GOLM2: variants seen among roughly 807,000 people sequenced by gnomAD.
The protein encoded by GOLM2 is golgi membrane protein 2, also known as protein GOLM2.
GOLM2 carries 26 observed loss-of-function variants against 55.9 expected under a neutral mutation model. The observed-to-expected ratio is 0.47, with a 90% CI of 0.34 to 0.65. The LOEUF (loss-of-function observed/expected upper bound fraction) is 0.65. GOLM2 is among the 30% of genes least tolerant of loss of function. GOLM2 has a pLI of 0.01. For missense variants in GOLM2, 486 were observed against 531.8 expected, an observed-to-expected ratio of 0.91 and a Z score of 0.85; for synonymous variants, 165 against 194.6, an observed-to-expected ratio of 0.85 and a Z score of 1.27.
chr15:44,292,229 G>A (rs190572707), intron 1 of GOLM2, among the ~76,000 whole-genome samples: 1 of 142,864 alleles, frequency 7.0e-6, no homozygotes, highest in African/African-American at 2.6e-5. Flanking sequence ...ACAGAGTCTC[G>A]CTCGGTTAAG....
At chr15:44,315,469 G>A (rs900926651) in intron 1 of GOLM2, among the ~76,000 whole-genome samples, 17 of 152,288 alleles carry the variant, frequency 1.1e-4, no homozygotes, top group South Asian at 2.1e-4. Context: ...GAGAAGCCAC[G>A]TAGGATGGGG....
chr15:44,387,917 C>A (rs531741070), intron 8 of GOLM2, among the ~76,000 whole-genome samples: 4 of 151,806 alleles, frequency 2.6e-5, no homozygotes, highest in Non-Finnish European at 2.9e-5. Flanking sequence ...TATAGAAGAT[C>A]ATTTCTTTTA....
intron 8 of GOLM2, among the ~76,000 whole-genome samples, chr15:44,395,909 C>G (rs1384875514): frequency 6.6e-6 from 1 of 152,046 alleles, no homozygotes; most frequent in East Asian, 1.9e-4. Context: ...TTCATATGAA[C>G]TTGAAAAGCA....
chr15:44,349,735 T>C (rs1827537775), intron 6 of GOLM2, among the ~76,000 whole-genome samples: 1 of 152,206 alleles, frequency 6.6e-6, no homozygotes, highest in Admixed American at 6.5e-5. Flanking sequence ...AGAGGCCATA[T>C]GTTAGACCAC....
intron 1 of GOLM2, among the ~76,000 whole-genome samples, chr15:44,312,388 G>A (rs749445091): frequency 2.6e-5 from 4 of 151,992 alleles, no homozygotes; most frequent in Non-Finnish European, 4.4e-5. Context: ...CTCAAGCTTA[G>A]TAGGTGATCT....
At chr15:44,337,634 A>G (rs536502372) in intron 4 of GOLM2, 129 bp from the exon 5 acceptor site, 34 of 622,286 alleles carry the variant, frequency 5.5e-5, no homozygotes, top group African/African-American at 2.3e-4. Flanking sequence ...TGCATCTCCA[A>G]TTGTTCATTA....
intron 1 of GOLM2, among the ~76,000 whole-genome samples, chr15:44,293,770 A>G (rs2078737087): frequency 6.6e-6 from 1 of 152,178 alleles, no homozygotes. Flanking sequence ...TCTCCACTAT[A>G]ATGTACTCTT....
At position 44,413,395 on chromosome 15, in the gene GOLM2, G is replaced by A. The variant is rs374320339; in HGVS notation, c.1300G>A (p.Asp434Asn). ...PADYGKQHFN[D>N]VL ...AGACTATGGAAAGCAACATTTCAAT[G>A]ATGTCCTTTAAGTCCTAAAGGAATG... is the stretch of plus-strand genomic sequence containing the variant. The change falls in exon 10 of 10, where the codon GAT becomes AAT. Residue 434 changes from aspartate to asparagine, a missense_variant. By Grantham distance (23) the Asp-to-Asn change is conservative (BLOSUM62 1). Coordinates refer to ENST00000299957, the MANE Select transcript of GOLM2 (RefSeq NM_138423.4). The A allele has an allele frequency of 5.0e-6, 8 of 1,609,478 alleles. No individual in the cohort carries two copies. The highest frequency in any genetic ancestry group is 3.3e-5 in the South Asian group (3 of 90,780).
chr15:44,306,991 A>G (rs992008498), intron 1 of GOLM2, among the ~76,000 whole-genome samples: 1 of 152,188 alleles, frequency 6.6e-6, no homozygotes, highest in African/African-American at 2.4e-5. Flanking sequence ...CAGATGTAAT[A>G]AAGAAAATTT....
In GOLM2 at chr15:44,302,918, C is replaced by T. The variant is rs182453237; in HGVS notation, c.327+13562C>T. Among the ~76,000 whole-genome samples the T allele has an allele frequency of 5.0e-3, 759 of 152,168 alleles. 5 individuals are homozygous for T. The highest frequency in any genetic ancestry group is 0.017 in the African/African-American group (720 of 41,512). On this transcript the variant is annotated intron_variant, in intron 1 of 9. Coordinates refer to ENST00000299957, the MANE Select transcript of GOLM2 (RefSeq NM_138423.4). ...CAGAGGTCAACACCATCCTGGCCAA[C>T]ATGGTGAAACCCCGTCTCTACTAAA...
At chr15:44,380,611 C>T (rs996515938) in intron 7 of GOLM2, among the ~76,000 whole-genome samples, 195 bp from the exon 8 acceptor site, 5 of 147,272 alleles carry the variant, frequency 3.4e-5, no homozygotes, top group African/African-American at 1.0e-4. Flanking sequence ...AAACTTCCCA[C>T]AGCTAAAATC....
intron 1 of GOLM2, among the ~76,000 whole-genome samples, chr15:44,302,140 C>T (rs1336459256): frequency 6.7e-6 from 1 of 149,922 alleles, no homozygotes; most frequent in Non-Finnish European, 1.5e-5. Flanking sequence ...CTCTTTTTTA[C>T]ATTTAATTTT....
At chr15:44,313,681 C>G (rs2078889199) in intron 1 of GOLM2, among the ~76,000 whole-genome samples, 1 of 152,152 alleles carries the variant, frequency 6.6e-6, no homozygotes, top group Admixed American at 6.6e-5. Context: ...TTCTTTGTGA[C>G]TGGCTGACTG....
chr15:44,392,938 AT>A (rs1251585437), intron 8 of GOLM2, among the ~76,000 whole-genome samples: 1 of 152,200 alleles, frequency 6.6e-6, no homozygotes, highest in Non-Finnish European at 1.5e-5. Flanking sequence ...AAATTTAATG[AT>A]TAATTCTCAA....
intron 8 of GOLM2, among the ~76,000 whole-genome samples, chr15:44,396,866 T>C (rs1237018560): frequency 6.6e-6 from 1 of 152,258 alleles, no homozygotes; most frequent in Non-Finnish European, 1.5e-5. Context: ...TCAAACTTGA[T>C]ACAACTCAAA....
chr15:44,333,728 T>A (rs901490858), intron 4 of GOLM2, among the ~76,000 whole-genome samples: 2 of 152,080 alleles, frequency 1.3e-5, no homozygotes, highest in Admixed American at 1.3e-4. Flanking sequence ...ATTCTCTTTT[T>A]TTTTTTGAGA....
At chr15:44,347,958 A>T (rs531457890) in intron 6 of GOLM2, among the ~76,000 whole-genome samples, 1 of 152,200 alleles carries the variant, frequency 6.6e-6, no homozygotes, top group Non-Finnish European at 1.5e-5. Context: ...AGTCAGCGCC[A>T]GAAGGGAACC....
chr15:44,318,662 T>C (rs2078928643), intron 1 of GOLM2, among the ~76,000 whole-genome samples: 1 of 151,408 alleles, frequency 6.6e-6, no homozygotes, highest in Non-Finnish European at 1.5e-5. Context: ...CGAGCAGAGA[T>C]TGGGTCGCTG....
intron 8 of GOLM2, among the ~76,000 whole-genome samples, chr15:44,383,675 C>CTTTTT (rs761209421): frequency 7.9e-6 from 1 of 125,904 alleles, no homozygotes; most frequent in Non-Finnish European, 1.7e-5. Flanking sequence ...TTCTTTTTTT[C>CTTTTT]TTTTTTTTTT....
Sources: allele counts gnomAD v4.1 joint callset (sites outside exome capture counted in the v4.1 genomes callset), GRCh38; gene constraint gnomAD v4.1.1; transcripts MANE v1.5; gene names NCBI Gene and HGNC (gene_info 2026-07-23, HGNC 2026-07-21).